Variants in UBASH3B observed in about 807,000 individuals in gnomAD.
UBASH3B encodes ubiquitin-associated and SH3 domain-containing protein B.
A neutral mutation model predicts 83.4 loss-of-function variants in UBASH3B; 37 were observed. The observed-to-expected ratio is 0.44, with a 90% CI of 0.34 to 0.58. The LOEUF is 0.58. Among genes scored for constraint, UBASH3B ranks in the 20% least tolerant of loss-of-function variants. The pLI is 0.01. For synonymous variants in UBASH3B, 304 were observed against 318.3 expected (o/e 0.96, Z 0.48); for missense variants, 657 against 827.2 (o/e 0.79, Z 2.52).
At chr11:122,783,566 G>A (rs1297151469) in intron 5 of UBASH3B, among the ~76,000 whole-genome samples, 4 of 152,078 alleles carry the variant, frequency 2.6e-5, no homozygotes, top group African/African-American at 9.7e-5. Context: ...GGTGTTAATG[G>A]AAGACATCAT....
chr11:122,671,204 C>T (rs923248254), intron 1 of UBASH3B, among the ~76,000 whole-genome samples: 2 of 152,182 alleles, frequency 1.3e-5, no homozygotes, highest in African/African-American at 2.4e-5. Flanking sequence ...TGCCTGGCCT[C>T]GCAAGTTCAG....
At chr11:122,767,165 C>T (rs1340641063) in intron 1 of UBASH3B, among the ~76,000 whole-genome samples, 1 of 151,792 alleles carries the variant, frequency 6.6e-6, no homozygotes, top group Non-Finnish European at 1.5e-5. Context: ...GTAATCCCAG[C>T]TACTCGGGAG....
In UBASH3B at chr11:122,799,112, G is replaced by A. The variant is rs1861206038; in HGVS notation, c.1450+78G>A. The A allele has an allele frequency of 4.1e-6, 5 of 1,213,240 alleles. No individual in the cohort carries two copies. In the South Asian group the frequency reaches 6.3e-5, roughly 15 times the overall value. The allele number at this position is 1,213,240 out of a possible 1,614,324, so 75.2% of individuals were successfully genotyped here. A position where few individuals can be genotyped will look rare whatever the true frequency, so the allele number is the denominator to read the frequency against. ...AGCCCCACACATAAATTATCTTAGA[G>A]CCATGGGACATTTGCCAGTTGAAAG... On this transcript the variant is annotated intron_variant, in intron 10 of 13. Coordinates refer to ENST00000284273, the MANE Select transcript of UBASH3B (RefSeq NM_032873.5).
intron 1 of UBASH3B, among the ~76,000 whole-genome samples, chr11:122,662,650 C>T (rs544744237): frequency 5.9e-5 from 9 of 152,030 alleles, no homozygotes; most frequent in Non-Finnish European, 7.4e-5. Context: ...AGGCTGGTCT[C>T]GAACTCCTGA....
At chr11:122,726,256 C>G in intron 1 of UBASH3B, 1 of 160,422 alleles carries the variant, frequency 6.2e-6, no homozygotes, top group Admixed American at 6.0e-5. Context: ...GAGGGTGGCA[C>G]ATCTCAAACA....
At position 122,794,831 on chromosome 11, in the gene UBASH3B, G is replaced by A. The variant is rs751797724; in HGVS notation, c.1110G>A (p.Met370Ile). The change falls in exon 7 of 14, where the codon ATG becomes ATA. Residue 370 changes from methionine to isoleucine, a missense_variant. Physicochemically the swap from Met to Ile is conservative, Grantham distance 10. This residue lies in a region of UBASH3B where 573 missense variants were observed against 739.0 expected (regional missense o/e 0.78). Transcript: ENST00000284273. ...TTPLTIICQPMQPLRVNSQPG... is the reference protein window; with the variant it reads ...TTPLTIICQPIQPLRVNSQPG... ...CTCTTACTATCATCTGCCAGCCCAT[G>A]CAGGTAAGGCTGATTGCTAGGGTCA... The A allele has an allele frequency of 5.6e-6, 9 of 1,613,636 alleles. No individual in the cohort carries two copies. In the East Asian group the frequency reaches 2.0e-4, roughly 36 times the overall value.
intron 1 of UBASH3B, among the ~76,000 whole-genome samples, chr11:122,698,268 A>C (rs1863989412): frequency 6.6e-6 from 1 of 150,816 alleles, no homozygotes; most frequent in South Asian, 2.1e-4. Flanking sequence ...CCCTACCCAT[A>C]CCCCCATAGT....
At chr11:122,762,085 C>A (rs1861380488) in intron 1 of UBASH3B, among the ~76,000 whole-genome samples, 2 of 152,036 alleles carry the variant, frequency 1.3e-5, no homozygotes, top group Non-Finnish European at 1.5e-5. Flanking sequence ...AGCCACCGCG[C>A]CTGGCCGGTT....
At chr11:122,734,529 G>T (rs1250481721) in intron 1 of UBASH3B, among the ~76,000 whole-genome samples, 2 of 152,108 alleles carry the variant, frequency 1.3e-5, no homozygotes, top group African/African-American at 4.8e-5. Context: ...ATCTGGGAGG[G>T]ACACTTGGTG....
At chr11:122,793,699 C>T (rs1565568295) in intron 6 of UBASH3B, among the ~76,000 whole-genome samples, 1 of 152,196 alleles carries the variant, frequency 6.6e-6, no homozygotes, top group Non-Finnish European at 1.5e-5. Flanking sequence ...TTTTGACTGT[C>T]TTCCTTTCAG....
In UBASH3B at chr11:122,809,869, A is replaced by T; in HGVS notation, c.1933A>T (p.Thr645Ser). The stretch of plus-strand genomic sequence containing the variant: ...AACTGGGGGCTTCAACTGGAGAGAG[A>T]CCTTGCTTCAAGAATAAACCACACC... ...GPTGGFNWRE[T>S]LLQE is the part of the protein sequence containing the mutation. The change falls in exon 14 of 14, where the codon ACC becomes TCC. Residue 645 changes from threonine (T) to serine (S), a missense_variant. This residue lies in a region of UBASH3B where 573 missense variants were observed against 739.0 expected (regional missense o/e 0.78). Transcript: ENST00000284273. 6.2e-7 allele frequency: 1 copy of T among 1,614,086 alleles called. No individual in the cohort carries two copies. The highest frequency in any genetic ancestry group is 8.5e-7 in the Non-Finnish European group (1 of 1,179,998).
chr11:122,702,428 G>A (rs540561161), intron 1 of UBASH3B, among the ~76,000 whole-genome samples: 47 of 152,140 alleles, frequency 3.1e-4, no homozygotes, highest in African/African-American at 1.1e-3. Flanking sequence ...CATCGTTCAA[G>A]GTCAGATTGG....
intron 1 of UBASH3B, among the ~76,000 whole-genome samples, chr11:122,727,350 G>T (rs1007739383): frequency 3.9e-5 from 6 of 152,194 alleles, no homozygotes; most frequent in African/African-American, 1.4e-4. Context: ...TGGTCATAAA[G>T]ACATCATGTC....
intron 1 of UBASH3B, among the ~76,000 whole-genome samples, chr11:122,716,113 T>C (rs1159198487): frequency 6.6e-6 from 1 of 152,194 alleles, no homozygotes; most frequent in Non-Finnish European, 1.5e-5. Context: ...GCAGAAAAAC[T>C]GCACGGTAGT....
Position 122,699,573 on chromosome 11 carries a change from C to CT in UBASH3B, c.161+43367dup, listed in dbSNP as rs59392014. Reference sequence around the variant, plus strand: ...TCTTTCTTTCTTTCTTTCTTTCTTTCTTTTCTTTCTTTCCTTTCTTTTTTT... The same window carrying CT: ...TCTTTCTTTCTTTCTTTCTTTCTTTCTTTTTCTTTCTTTCCTTTCTTTTTTT... On this transcript the variant is annotated intron_variant, in intron 1 of 13. Transcript: ENST00000284273. Among the ~76,000 whole-genome samples, 10 of 86,190 alleles carry CT rather than the reference C, an allele frequency of 1.2e-4. No homozygotes were observed. The East Asian group carries it at 3.0e-3, about 26-fold the overall frequency. 56.5% of individuals were successfully genotyped at this position (86,190 alleles called of 152,430 possible).
intron 1 of UBASH3B, among the ~76,000 whole-genome samples, chr11:122,715,827 C>T (rs754577986): frequency 8.5e-5 from 13 of 152,372 alleles, no homozygotes; most frequent in African/African-American, 3.1e-4. Context: ...CCAGCCTCCA[C>T]CGTGGTCCCC....
At chr11:122,730,806 A>G (rs988425961) in intron 1 of UBASH3B, among the ~76,000 whole-genome samples, 3 of 151,866 alleles carry the variant, frequency 2.0e-5, no homozygotes, top group African/African-American at 7.2e-5. Flanking sequence ...TGTTGGTCAG[A>G]CTGGTCTTGA....
At chr11:122,761,537 G>A (rs552414759) in intron 1 of UBASH3B, among the ~76,000 whole-genome samples, 1 of 152,272 alleles carries the variant, frequency 6.6e-6, no homozygotes, top group African/African-American at 2.4e-5. Flanking sequence ...AAGAGTGACA[G>A]TGGCTCTGTC....
At chr11:122,766,893 C>G (rs1328655720) in intron 1 of UBASH3B, among the ~76,000 whole-genome samples, 1 of 152,250 alleles carries the variant, frequency 6.6e-6, no homozygotes, top group Non-Finnish European at 1.5e-5. Context: ...CACCACCCAC[C>G]CATGTCTCCA....
Sources: gnomAD v4.1 joint callset for allele counts (sites outside exome capture counted in the v4.1 genomes callset) on GRCh38, gnomAD v4.1.1 for gene constraint, gnomAD v4.1.1 regional missense constraint, MANE v1.5 for transcripts, NCBI Gene and HGNC (gene_info 2026-07-23, HGNC 2026-07-21) for gene names.